Variants in PAPPA2 observed in about 807,000 individuals in gnomAD.
The protein encoded by PAPPA2 is pappalysin 2.
A neutral mutation model predicts 176.4 loss-of-function variants in PAPPA2; 86 were observed. The observed-to-expected ratio is 0.49, with a 90% confidence interval of 0.41 to 0.58. The LOEUF (loss-of-function observed/expected upper bound fraction) is 0.58, where lower values mean the gene tolerates loss of function less well. PAPPA2 is among the 20% of genes least tolerant of loss of function. The pLI is 0.00. For missense variants in PAPPA2, 2,073 were observed against 2,256.9 expected, an observed-to-expected ratio of 0.92 and a Z score of 1.65; for synonymous variants, 809 against 852.2, an observed-to-expected ratio of 0.95 and a Z score of 0.88.
chr1:176,647,138 A>G (rs1363785272), intron 3 of PAPPA2, among the ~76,000 whole-genome samples: 1 of 151,452 alleles, frequency 6.6e-6, no homozygotes, highest in Non-Finnish European at 1.5e-5. Flanking sequence ...TGTAGTATTG[A>G]TTTGCATTTC....
Position 176,771,074 on chromosome 1 carries a change from C to T in PAPPA2, c.4609C>T (p.Leu1537Phe). The T allele has an allele frequency of 3.1e-6, 5 of 1,614,150 alleles. No homozygotes were observed. In the South Asian group the frequency reaches 4.4e-5, roughly 14 times the overall value. The change falls in exon 17 of 23, where the codon CTC (leucine) becomes TTC (phenylalanine). Residue 1537 changes from leucine (L) to phenylalanine (F), a missense_variant. Coordinates refer to ENST00000367662, the MANE Select transcript of PAPPA2 (RefSeq NM_020318.3). ...CCCTATTATTCTGAATGCCAACTTG[C>T]TCCTGCCTCACTGCCTCCAGGACAA... ...APPIILNANLLLPHCLQDNHD... is the reference protein window; with the variant it reads ...APPIILNANLFLPHCLQDNHD...
At chr1:176,666,509 A>G (rs1658647194) in intron 3 of PAPPA2, among the ~76,000 whole-genome samples, 1 of 151,636 alleles carries the variant, frequency 6.6e-6, no homozygotes, top group African/African-American at 2.4e-5. Flanking sequence ...AGAAAACCTC[A>G]TCTTGTGGGA....
intron 12 of PAPPA2, among the ~76,000 whole-genome samples, chr1:176,735,410 T>C (rs1662352460): frequency 1.3e-5 from 2 of 152,084 alleles, no homozygotes; most frequent in African/African-American, 2.4e-5. Context: ...TTCAAGTTTG[T>C]GGTAGAGTTT....
At chr1:176,789,439 T>G (rs1665081110) in intron 17 of PAPPA2, among the ~76,000 whole-genome samples, 1 of 151,944 alleles carries the variant, frequency 6.6e-6, no homozygotes, top group African/African-American at 2.4e-5. Flanking sequence ...CATTAGGAGA[T>G]ATACCTAATG....
At chr1:176,524,137 C>A (rs573184465) in intron 1 of PAPPA2, among the ~76,000 whole-genome samples, 4 of 152,196 alleles carry the variant, frequency 2.6e-5, no homozygotes, top group Non-Finnish European at 5.9e-5. Flanking sequence ...TTCTTTGCAG[C>A]ACTGTCGTTT....
At chr1:176,515,518 G>A (rs1342671828) in intron 1 of PAPPA2, among the ~76,000 whole-genome samples, 5 of 152,118 alleles carry the variant, frequency 3.3e-5, no homozygotes, top group African/African-American at 1.2e-4. Flanking sequence ...GCCTGTTCAC[G>A]GGCTTCCTGC....
intron 3 of PAPPA2, among the ~76,000 whole-genome samples, chr1:176,660,651 A>T (rs1455439333): frequency 6.6e-6 from 1 of 152,082 alleles, no homozygotes; most frequent in Non-Finnish European, 1.5e-5. Flanking sequence ...TAAAGATCTC[A>T]TGAGAGATCT....
intron 20 of PAPPA2, among the ~76,000 whole-genome samples, chr1:176,798,592 C>T (rs1665543144): frequency 6.6e-6 from 1 of 152,194 alleles, no homozygotes; most frequent in African/African-American, 2.4e-5. Context: ...GACCACTGCT[C>T]AGTAGAGCTC....
At chr1:176,485,812 G>A (rs925572691) in intron 1 of PAPPA2, among the ~76,000 whole-genome samples, 2 of 152,092 alleles carry the variant, frequency 1.3e-5, no homozygotes, top group African/African-American at 4.8e-5. Flanking sequence ...AAGAGGAAAG[G>A]CATACAGCTT....
In PAPPA2 at chr1:176,471,233, C is replaced by T. The variant is rs536562720; in HGVS notation, c.-917+7815C>T. On this transcript the variant is annotated intron_variant, in intron 1 of 22. Transcript: ENST00000367662. Reference sequence around the variant, plus strand: ...CCTGAGGGATTTGAGGTGCTGCCACCGGAAGGATGAGTAGCTCATGCAGGG... The same window carrying T: ...CCTGAGGGATTTGAGGTGCTGCCACTGGAAGGATGAGTAGCTCATGCAGGG... Among the ~76,000 whole-genome samples, 244 of 152,148 alleles carry T rather than the reference C, an allele frequency of 1.6e-3. 1 individual carries two copies. The highest frequency in any genetic ancestry group is 3.9e-3 in the African/African-American group (160 of 41,514).
chr1:176,716,954 C>A lies in PAPPA2; in HGVS notation c.3798+4973C>A, dbSNP rs139052040. ...AATGTTAGCAGCACAAGGCTTTCAA[C>A]CCATCCCCTCTTCTGACTCAAAAAA... On this transcript the variant is annotated intron_variant, in intron 12 of 22. Coordinates refer to ENST00000367662, the MANE Select transcript of PAPPA2 (RefSeq NM_020318.3). 5.9e-5 allele frequency among the ~76,000 whole-genome samples: 9 copies of A among 152,206 alleles called. No individual in the cohort carries two copies. The East Asian group carries it at 1.7e-3, about 29-fold the overall frequency.
At chr1:176,791,233 C>G in intron 18 of PAPPA2, 114 bp from the exon 19 acceptor site, 19 of 177,188 alleles carry the variant, frequency 1.1e-4, no homozygotes, top group East Asian at 8.5e-4. Flanking sequence ...TCAATAGTGT[C>G]TTTTGGTCCA....
intron 14 of PAPPA2, among the ~76,000 whole-genome samples, chr1:176,744,709 G>A (rs1662830563): frequency 6.6e-6 from 1 of 152,060 alleles, no homozygotes; most frequent in African/African-American, 2.4e-5. Context: ...AGAATGATCT[G>A]TTTTTTTCTT....
At position 176,563,707 on chromosome 1, in the gene PAPPA2, G is replaced by A. The variant is rs1404659977; in HGVS notation, c.919+6466G>A. Among the ~76,000 whole-genome samples, 5 of 152,160 alleles carry A rather than the reference G, an allele frequency of 3.3e-5. No homozygotes were observed. The East Asian group carries it at 7.7e-4, about 23-fold the overall frequency. The stretch of plus-strand genomic sequence containing the variant: ...GATCAGCTGAGACTATTCTTAAGAT[G>A]TCTGCCATGGCAATACACCTGGCAG... On this transcript the variant is annotated intron_variant, in intron 2 of 22. Coordinates refer to ENST00000367662, the MANE Select transcript of PAPPA2 (RefSeq NM_020318.3).
intron 1 of PAPPA2, among the ~76,000 whole-genome samples, chr1:176,493,699 G>A (rs976794670): frequency 1.1e-4 from 16 of 152,144 alleles, no homozygotes; most frequent in Non-Finnish European, 1.2e-4. Flanking sequence ...TCTTCTTCTG[G>A]AGAGAAGAAA....
chr1:176,722,301 G>A (rs1215503837), intron 12 of PAPPA2, among the ~76,000 whole-genome samples: 1 of 151,204 alleles, frequency 6.6e-6, no homozygotes, highest in Non-Finnish European at 1.5e-5. Flanking sequence ...AGAGGCTCTG[G>A]CTAATATCTT....
At chr1:176,488,461 T>C (rs1416876687) in intron 1 of PAPPA2, among the ~76,000 whole-genome samples, 2 of 152,130 alleles carry the variant, frequency 1.3e-5, no homozygotes, top group African/African-American at 4.8e-5. Flanking sequence ...TACAAGAGTG[T>C]CTTCGAAATT....
chr1:176,576,823 G>A (rs909318196), intron 2 of PAPPA2, among the ~76,000 whole-genome samples: 10 of 152,302 alleles, frequency 6.6e-5, no homozygotes, highest in East Asian at 5.8e-4. Flanking sequence ...CTCCAGACTC[G>A]TCTTTCCGGA....
chr1:176,542,479 A>T (rs1457234566), intron 1 of PAPPA2, among the ~76,000 whole-genome samples: 1 of 152,236 alleles, frequency 6.6e-6, no homozygotes, highest in African/African-American at 2.4e-5. Flanking sequence ...TCTTTGTTAC[A>T]GGCTGTCAGA....
Sources: gnomAD v4.1 joint callset for allele counts (sites outside exome capture counted in the v4.1 genomes callset) on GRCh38, gnomAD v4.1.1 for gene constraint, MANE v1.5 for transcripts, NCBI Gene and HGNC (gene_info 2026-07-23, HGNC 2026-07-21) for gene names.